Variants in NCKAP5 observed in about 807,000 individuals in gnomAD.
NCKAP5 encodes nck-associated protein 5.
In NCKAP5, 92 loss-of-function variants were observed where a neutral mutation model predicts 167.0. The observed-to-expected ratio is 0.55, with a 90% CI of 0.47 to 0.66. The LOEUF (loss-of-function observed/expected upper bound fraction) is 0.66. Ranked by LOEUF, NCKAP5 falls within the 30% of genes least tolerant of loss-of-function variation. The pLI, the probability that NCKAP5 is intolerant of heterozygous loss-of-function variation, is 0.00. For missense variants in NCKAP5, 2,378 were observed against 2,315.0 expected (o/e 1.03, Z -0.56); for synonymous variants, 891 against 877.4 (o/e 1.02, Z -0.27).
Position 132,893,131 on chromosome 2 carries a change from G to A in NCKAP5, c.580-14215C>T, listed in dbSNP as rs116465694. ...AATACCATTACACACCAACCCAACT[G>A]GTGCAAATGAAAACATCTTACATGG... On this transcript the variant is annotated intron_variant, in intron 8 of 19. Coordinates refer to ENST00000409261, the MANE Select transcript of NCKAP5 (RefSeq NM_207363.3). 1.6e-3 allele frequency among the ~76,000 whole-genome samples: 245 copies of A among 152,238 alleles called. 1 individual carries two copies. The highest frequency in any genetic ancestry group is 5.4e-3 in the African/African-American group (223 of 41,538).
At chr2:133,218,126 T>C (rs2150191143) in intron 4 of NCKAP5, among the ~76,000 whole-genome samples, 1 of 152,238 alleles carries the variant, frequency 6.6e-6, no homozygotes, top group East Asian at 1.9e-4. Flanking sequence ...TATTGATATT[T>C]ATGACATATA....
chr2:133,303,325 G>C (rs1680535624), intron 3 of NCKAP5, among the ~76,000 whole-genome samples: 1 of 152,128 alleles, frequency 6.6e-6, no homozygotes, highest in African/African-American at 2.4e-5. Flanking sequence ...GAAGTGAACT[G>C]TCATTACACT....
At chr2:133,207,630 G>C (rs922643868) in intron 5 of NCKAP5, among the ~76,000 whole-genome samples, 2 of 151,572 alleles carry the variant, frequency 1.3e-5, no homozygotes, top group Non-Finnish European at 2.9e-5. Flanking sequence ...AAGAAGAAGT[G>C]CTAAGAGAAA....
intron 3 of NCKAP5, among the ~76,000 whole-genome samples, chr2:133,462,777 A>G (rs1191270137): frequency 6.6e-6 from 1 of 152,220 alleles, no homozygotes; most frequent in African/African-American, 2.4e-5. Flanking sequence ...GCCAGTTGGA[A>G]TTGAGACTGA....
intron 8 of NCKAP5, among the ~76,000 whole-genome samples, chr2:132,937,907 C>A (rs1483840839): frequency 6.6e-6 from 1 of 152,142 alleles, no homozygotes; most frequent in African/African-American, 2.4e-5. Flanking sequence ...CCAAGTTCAC[C>A]CAGCATAAAT....
At chr2:132,808,016 T>C (rs1169131267) in intron 11 of NCKAP5, among the ~76,000 whole-genome samples, 1 of 152,166 alleles carries the variant, frequency 6.6e-6, no homozygotes, top group African/African-American at 2.4e-5. Context: ...GAGATGATCA[T>C]GTGATTTTTG....
intron 10 of NCKAP5, among the ~76,000 whole-genome samples, chr2:132,867,447 C>T (rs1690444496): frequency 6.6e-6 from 1 of 152,108 alleles, no homozygotes; most frequent in African/African-American, 2.4e-5. Flanking sequence ...GGGCACACAC[C>T]CAGAACAAAG....
intron 2 of NCKAP5, among the ~76,000 whole-genome samples, chr2:133,531,758 A>G (rs889382931): frequency 1.3e-5 from 2 of 152,188 alleles, no homozygotes; most frequent in Non-Finnish European, 2.9e-5. Context: ...GAATCTCTAT[A>G]GTGCTTTAAA....
chr2:133,093,753 T>C (rs546160636), intron 6 of NCKAP5, among the ~76,000 whole-genome samples: 1 of 152,300 alleles, frequency 6.6e-6, no homozygotes, highest in South Asian at 2.1e-4. Flanking sequence ...TTCCCATTCA[T>C]TTACTATTTG....
chr2:133,401,168 C>T lies in NCKAP5; in HGVS notation c.70-98058G>A, dbSNP rs559685823. Among the ~76,000 whole-genome samples, 24 of 152,238 alleles carry T rather than the reference C, an allele frequency of 1.6e-4. 1 individual carries two copies. In the South Asian group the frequency reaches 2.9e-3, roughly 18 times the overall value. ...CAGAACGTCCACAAAAAATCCTAAA[C>T]GAAAACAGGGTTTGGAAAGCTTCTG... On this transcript the variant is annotated intron_variant, in intron 3 of 19. Transcript: ENST00000409261.
chr2:133,653,382 G>T, the NCKAP5 span, among the ~76,000 whole-genome samples: 1 of 151,990 alleles, frequency 6.6e-6, no homozygotes, highest in African/African-American at 2.4e-5. Context: ...TTCTTCAAAA[G>T]AAAAAAGAAT....
intron 4 of NCKAP5, among the ~76,000 whole-genome samples, chr2:133,247,398 A>C (rs2088054720): frequency 6.6e-6 from 1 of 152,162 alleles, no homozygotes; most frequent in African/African-American, 2.4e-5. Context: ...CCCCTTTAAA[A>C]TTTTGCAGCA....
intron 3 of NCKAP5, among the ~76,000 whole-genome samples, chr2:133,446,833 T>C (rs951493028): frequency 1.3e-5 from 2 of 150,016 alleles, no homozygotes; most frequent in African/African-American, 4.9e-5. Flanking sequence ...AGGTGAGAAG[T>C]GAGGGGAAAG....
chr2:133,008,431 T>G (rs1244823068), intron 6 of NCKAP5, among the ~76,000 whole-genome samples: 1 of 152,176 alleles, frequency 6.6e-6, no homozygotes, highest in Non-Finnish European at 1.5e-5. Flanking sequence ...AGTAAGACAG[T>G]TAATAGACAT....
chr2:132,769,637 G>A (rs2104925939), intron 16 of NCKAP5, among the ~76,000 whole-genome samples: 1 of 152,258 alleles, frequency 6.6e-6, no homozygotes, highest in South Asian at 2.1e-4. Context: ...AGAACCTATT[G>A]ACTGGCTAGC....
At chr2:133,023,340 T>C (rs897318129) in intron 6 of NCKAP5, among the ~76,000 whole-genome samples, 1 of 152,264 alleles carries the variant, frequency 6.6e-6, no homozygotes, top group African/African-American at 2.4e-5. Flanking sequence ...TCATATTATT[T>C]TAACATATAC....
chr2:133,063,878 G>A (rs1182414861), intron 6 of NCKAP5, among the ~76,000 whole-genome samples: 1 of 152,152 alleles, frequency 6.6e-6, no homozygotes, highest in African/African-American at 2.4e-5. Context: ...ACATTTGAGA[G>A]CTAGGAAAAA....
At chr2:133,304,715 A>T (rs1680650716) in intron 3 of NCKAP5, among the ~76,000 whole-genome samples, 1 of 152,254 alleles carries the variant, frequency 6.6e-6, no homozygotes, top group African/African-American at 2.4e-5. Flanking sequence ...TCACTTAACA[A>T]CTATTTTTAA....
chr2:133,318,443 C>T (rs1431965094), intron 3 of NCKAP5, among the ~76,000 whole-genome samples: 1 of 152,148 alleles, frequency 6.6e-6, no homozygotes, highest in Non-Finnish European at 1.5e-5. Context: ...ATTACCAATA[C>T]TGTGATTAAA....
Sources: allele counts gnomAD v4.1 joint callset (sites outside exome capture counted in the v4.1 genomes callset), GRCh38; gene constraint gnomAD v4.1.1; transcripts MANE v1.5; gene names NCBI Gene and HGNC (gene_info 2026-07-23, HGNC 2026-07-21).